Variants in TENM3 observed in about 807,000 individuals in gnomAD.
TENM3 encodes the protein teneurin-3.
A neutral mutation model predicts 255.1 loss-of-function variants in TENM3; 63 were observed. The ratio of observed to expected loss-of-function variants is 0.25; its 90% CI spans 0.20 to 0.30. The LOEUF (loss-of-function observed/expected upper bound fraction) is 0.30. TENM3 is among the 10% of genes least tolerant of loss of function. TENM3 has a pLI of 1.00. For synonymous variants in TENM3, 1,306 were observed against 1,322.3 expected, an observed-to-expected ratio of 0.99 and a Z score of 0.27; for missense variants, 2,929 against 3,461.1, an observed-to-expected ratio of 0.85 and a Z score of 3.86.
intron 2 of TENM3, among the ~76,000 whole-genome samples, chr4:182,342,523 G>T (rs1764546225): frequency 6.6e-6 from 1 of 152,114 alleles, no homozygotes; most frequent in South Asian, 2.1e-4. Context: ...TCTTTTTAGG[G>T]TGATAAAAAT....
At chr4:181,560,992 G>A in the TENM3 span, among the ~76,000 whole-genome samples, 1,141 of 152,112 alleles carry the variant, frequency 7.5e-3, 11 homozygotes, top group African/African-American at 0.024. Flanking sequence ...AGTCTCTGTC[G>A]CCCAGGCTGG....
At chr4:182,705,619 G>A (rs865783096) in intron 12 of TENM3, among the ~76,000 whole-genome samples, 2 of 152,126 alleles carry the variant, frequency 1.3e-5, no homozygotes, top group South Asian at 2.1e-4. Flanking sequence ...TGCCTTTGTT[G>A]CTTCTCTGTG....
At chr4:182,507,576 A>C (rs574433557) in intron 3 of TENM3, among the ~76,000 whole-genome samples, 1 of 152,226 alleles carries the variant, frequency 6.6e-6, no homozygotes, top group Non-Finnish European at 1.5e-5. Context: ...GAAGCTGTTA[A>C]AGCTTTTTCC....
intron 4 of TENM3, among the ~76,000 whole-genome samples, chr4:182,612,086 G>A (rs1411247907): frequency 1.3e-5 from 2 of 151,786 alleles, no homozygotes; most frequent in South Asian, 2.1e-4. Flanking sequence ...TGGCCAACAC[G>A]GTGAAACCCC....
intron 3 of TENM3, among the ~76,000 whole-genome samples, chr4:182,488,312 G>GA (rs1488567771): frequency 6.6e-6 from 1 of 151,988 alleles, no homozygotes; most frequent in Non-Finnish European, 1.5e-5. Context: ...CATACCAGCA[G>GA]AAAAAAACAA....
intron 1 of TENM3, among the ~76,000 whole-genome samples, chr4:182,159,740 G>A (rs916371328): frequency 1.3e-5 from 2 of 152,218 alleles, no homozygotes; most frequent in Non-Finnish European, 2.9e-5. Context: ...GATGGCCGGA[G>A]AAGTGACAGT....
chr4:182,545,329 G>T (rs1036722218), intron 3 of TENM3, among the ~76,000 whole-genome samples: 2 of 152,060 alleles, frequency 1.3e-5, no homozygotes, highest in Admixed American at 6.5e-5. Context: ...GCAAACTGTT[G>T]TTAGCATCTC....
the TENM3 span, among the ~76,000 whole-genome samples, chr4:181,721,701 G>A: frequency 1.3e-5 from 2 of 151,576 alleles, no homozygotes; most frequent in Admixed American, 1.3e-4. Context: ...AACCTAGGTA[G>A]GGATAGCAGA....
At chr4:182,517,361 A>G (rs1738079941) in intron 3 of TENM3, among the ~76,000 whole-genome samples, 1 of 151,516 alleles carries the variant, frequency 6.6e-6, no homozygotes, top group African/African-American at 2.4e-5. Context: ...TTTGGTTTAA[A>G]AAAAAACAAA....
the TENM3 span, among the ~76,000 whole-genome samples, chr4:181,531,239 A>G: frequency 6.6e-6 from 1 of 152,182 alleles, no homozygotes; most frequent in South Asian, 2.1e-4. Context: ...GAAGGGGGAA[A>G]ACAGACAGAA....
At chr4:181,830,971 C>G in the TENM3 span, among the ~76,000 whole-genome samples, 1 of 152,166 alleles carries the variant, frequency 6.6e-6, no homozygotes, top group South Asian at 2.1e-4. Context: ...ACATAGGTAG[C>G]ATTTCAATTA....
intron 12 of TENM3, among the ~76,000 whole-genome samples, chr4:182,699,751 A>G (rs1012666182): frequency 2.0e-5 from 3 of 152,212 alleles, no homozygotes; most frequent in African/African-American, 4.8e-5. Context: ...ATACTGTTTC[A>G]TTACAAACTT....
At chr4:181,864,432 A>AAGAG in the TENM3 span, among the ~76,000 whole-genome samples, 8 of 151,402 alleles carry the variant, frequency 5.3e-5, no homozygotes, top group African/African-American at 1.2e-4. Flanking sequence ...AGGAGACAAA[A>AAGAG]AGAGAGAGAG....
the TENM3 span, among the ~76,000 whole-genome samples, chr4:181,546,362 T>G: frequency 2.6e-5 from 4 of 152,178 alleles, no homozygotes; most frequent in Admixed American, 2.0e-4. Flanking sequence ...TTCTGATTAA[T>G]TTACCATTAA....
the TENM3 span, among the ~76,000 whole-genome samples, chr4:181,618,283 C>T: frequency 6.6e-6 from 1 of 152,126 alleles, no homozygotes; most frequent in Non-Finnish European, 1.5e-5. Context: ...GCAGACTCAT[C>T]CAGCTAGCGA....
intron 21 of TENM3, among the ~76,000 whole-genome samples, chr4:182,753,882 C>T (rs1392220155): frequency 1.3e-5 from 2 of 152,128 alleles, no homozygotes; most frequent in Non-Finnish European, 2.9e-5. Flanking sequence ...TGCAGGTATT[C>T]TAAAAAGAAC....
At chr4:181,824,205 G>C in the TENM3 span, among the ~76,000 whole-genome samples, 1 of 151,876 alleles carries the variant, frequency 6.6e-6, no homozygotes, top group African/African-American at 2.4e-5. Flanking sequence ...GGGTTCAAAT[G>C]GTCCTCCCAC....
At chr4:182,078,507 G>A in the TENM3 span, among the ~76,000 whole-genome samples, 1 of 152,076 alleles carries the variant, frequency 6.6e-6, no homozygotes, top group Non-Finnish European at 1.5e-5. Context: ...GGACAACAGA[G>A]CGAGACTCTG....
At chr4:182,096,564 G>A in the TENM3 span, among the ~76,000 whole-genome samples, 3 of 152,174 alleles carry the variant, frequency 2.0e-5, no homozygotes, top group Non-Finnish European at 4.4e-5. Context: ...TAGCAGCAAT[G>A]GATGCGAAAA....
Sources: gnomAD v4.1 joint callset for allele counts (sites outside exome capture counted in the v4.1 genomes callset) on GRCh38, gnomAD v4.1.1 for gene constraint, MANE v1.5 for transcripts, NCBI Gene and HGNC (gene_info 2026-07-23, HGNC 2026-07-21) for gene names.